Variants in TMEM272 observed in about 807,000 individuals in gnomAD.
TMEM272 encodes long intergenic non-protein coding RNA 282.
TMEM272 carries 8 observed loss-of-function variants against 3.7 expected under a neutral mutation model. That is an observed-to-expected ratio of 2.17 (90% CI 1.27 to 3.91). TMEM272 has a LOEUF of 3.91. Among genes scored for constraint, TMEM272 ranks in the 30% most tolerant of loss-of-function variants. TMEM272 has a pLI of 0.00. For missense variants in TMEM272, 166 were observed against 91.5 expected (o/e 1.81, Z -3.32); for synonymous variants, 63 against 39.8 (o/e 1.58, Z -2.20).
intron 2 of TMEM272, among the ~76,000 whole-genome samples, chr13:51,834,745 GT>G (rs1956200521): frequency 2.6e-5 from 4 of 152,172 alleles, no homozygotes; most frequent in Admixed American, 2.6e-4. Flanking sequence ...TCCAAGTGGA[GT>G]TGAAGGGGAC....
At chr13:51,866,041 A>T in the TMEM272 span, 1 of 1,599,930 alleles carries the variant, frequency 6.3e-7, no homozygotes, top group Non-Finnish European at 8.5e-7. Context: ...ACGCCAACAG[A>T]GGGCAGCGCT....
At chr13:51,821,690 AAAAAAAAAAAAAGCAGC>A (rs1566336009) in intron 4 of TMEM272, among the ~76,000 whole-genome samples, 6 of 15,784 alleles carry the variant, frequency 3.8e-4, no homozygotes, top group Non-Finnish European at 6.9e-4. Context: ...AAAAAAAAGC[AAAAAAAAAAAAAGCAGC>A]AGCAGCAGCA....
the TMEM272 span, among the ~76,000 whole-genome samples, chr13:51,926,630 T>C: frequency 7.5e-6 from 1 of 133,046 alleles, no homozygotes; most frequent in Non-Finnish European, 1.7e-5. Context: ...GTGGGGCGGG[T>C]TTGTGGGTGT....
At chr13:51,921,045 G>C in the TMEM272 span, among the ~76,000 whole-genome samples, 1 of 152,206 alleles carries the variant, frequency 6.6e-6, no homozygotes, top group African/African-American at 2.4e-5. Flanking sequence ...CCTGGTGGGA[G>C]AGGAGCTAGG....
intron 1 of TMEM272, among the ~76,000 whole-genome samples, chr13:51,844,551 G>A (rs1417097778): frequency 6.6e-6 from 1 of 152,130 alleles, no homozygotes; most frequent in African/African-American, 2.4e-5. Context: ...TACCTACTGT[G>A]TCTCAGAGTC....
intron 4 of TMEM272, among the ~76,000 whole-genome samples, chr13:51,821,356 G>C (rs1956077022): frequency 6.6e-6 from 1 of 152,132 alleles, no homozygotes; most frequent in Non-Finnish European, 1.5e-5. Flanking sequence ...ATTTCTGTGG[G>C]CCAGGGATCT....
At chr13:51,874,433 C>G in the TMEM272 span, among the ~76,000 whole-genome samples, 2 of 152,082 alleles carry the variant, frequency 1.3e-5, no homozygotes, top group Non-Finnish European at 2.9e-5. Flanking sequence ...CTTGGGCATG[C>G]AATAGATACT....
At chr13:51,859,176 T>TAAAA in the TMEM272 span, among the ~76,000 whole-genome samples, 3 of 142,404 alleles carry the variant, frequency 2.1e-5, no homozygotes, top group African/African-American at 7.6e-5. Flanking sequence ...AGGGCATTTG[T>TAAAA]AAAAAAAAAA....
chr13:51,890,035 T>G, the TMEM272 span, among the ~76,000 whole-genome samples: 1 of 152,086 alleles, frequency 6.6e-6, no homozygotes, highest in African/African-American at 2.4e-5. Context: ...TGGGGCGCAG[T>G]CCAAGTGCCT....
At chr13:51,924,271 A>G in the TMEM272 span, among the ~76,000 whole-genome samples, 2 of 152,050 alleles carry the variant, frequency 1.3e-5, no homozygotes, top group African/African-American at 2.4e-5. Context: ...ACACCCCCTC[A>G]GGCCTGGCTT....
At chr13:51,854,232 G>A in the TMEM272 span, among the ~76,000 whole-genome samples, 1 of 152,066 alleles carries the variant, frequency 6.6e-6, no homozygotes. Flanking sequence ...TCCTCCAGAG[G>A]CTATTATAAG....
At chr13:51,910,064 T>C in the TMEM272 span, 4 of 1,273,232 alleles carry the variant, frequency 3.1e-6, no homozygotes, top group African/African-American at 1.5e-5. Context: ...CTTCAGTTAG[T>C]AGTGATTTGA....
In TMEM272 at chr13:51,815,952, A is replaced by C. The variant is rs558740778; in HGVS notation, c.*799T>G. ...TGCAACCTGTCCAGAAACATACAAA[A>C]CTGGTTTATGCCACCCAGCCAGCCG... is the stretch of plus-strand genomic sequence containing the variant. On this transcript the variant is annotated 3_prime_UTR_variant, in exon 5 of 5. Coordinates refer to ENST00000629372, the MANE Select transcript of TMEM272 (RefSeq NM_001351003.2). The C allele has an allele frequency of 1.3e-5, 2 of 152,340 alleles. No individual in the cohort carries two copies. The highest frequency in any genetic ancestry group is 3.9e-4 in the East Asian group (2 of 5,180). 9.4% of individuals were successfully genotyped at this position (152,340 alleles called of 1,614,324 possible). A position where few individuals can be genotyped will look rare whatever the true frequency, so the allele number is the denominator to read the frequency against.
At chr13:51,899,950 T>C in the TMEM272 span, among the ~76,000 whole-genome samples, 134,998 of 152,196 alleles carry the variant, frequency 0.89, 60,665 homozygotes, top group East Asian at 0.97. Flanking sequence ...TATTCACCTA[T>C]AAAAGAATGA....
chr13:51,893,273 A>C, the TMEM272 span, among the ~76,000 whole-genome samples: 1 of 152,226 alleles, frequency 6.6e-6, no homozygotes, highest in African/African-American at 2.4e-5. Context: ...AGCTTAAATT[A>C]TATCTGTGTT....
chr13:51,902,083 G>T, the TMEM272 span, among the ~76,000 whole-genome samples: 1 of 152,202 alleles, frequency 6.6e-6, no homozygotes, highest in Admixed American at 6.5e-5. Flanking sequence ...TATCAGGGGG[G>T]TTACTGCAGA....
chr13:51,876,119 T>TC, the TMEM272 span, among the ~76,000 whole-genome samples: 19 of 152,166 alleles, frequency 1.2e-4, no homozygotes, highest in African/African-American at 4.1e-4. Flanking sequence ...CTGGGGGTGT[T>TC]CCCCCCAAAA....
the TMEM272 span, among the ~76,000 whole-genome samples, chr13:51,917,158 C>T: frequency 6.6e-6 from 1 of 152,232 alleles, no homozygotes; most frequent in Non-Finnish European, 1.5e-5. Context: ...GCAAACATCA[C>T]CATGGAGCTC....
At chr13:51,913,627 C>A in the TMEM272 span, among the ~76,000 whole-genome samples, 1 of 152,264 alleles carries the variant, frequency 6.6e-6, no homozygotes, top group South Asian at 2.1e-4. Flanking sequence ...TGGGGCAGCA[C>A]CACCTAGAGT....
Sources: gnomAD v4.1 joint callset for allele counts (sites outside exome capture counted in the v4.1 genomes callset) on GRCh38, gnomAD v4.1.1 for gene constraint, MANE v1.5 for transcripts, NCBI Gene and HGNC (gene_info 2026-07-23, HGNC 2026-07-21) for gene names.